Variants in FHAD1 observed in about 807,000 individuals in gnomAD.
FHAD1 encodes the protein forkhead-associated domain-containing protein 1.
A neutral mutation model predicts 191.3 loss-of-function variants in FHAD1; 146 were observed. The ratio of observed to expected loss-of-function variants is 0.76; its 90% CI spans 0.67 to 0.88. FHAD1 has a LOEUF of 0.88. FHAD1 is among the 40% of genes least tolerant of loss of function. FHAD1 has a pLI of 0.00. For missense variants in FHAD1, 1,635 were observed against 1,785.8 expected (o/e 0.92, Z 1.52); for synonymous variants, 616 against 672.3 (o/e 0.92, Z 1.29).
intron 6 of FHAD1, among the ~76,000 whole-genome samples, chr1:15,302,927 G>A (rs1048243839): frequency 1.3e-5 from 2 of 152,180 alleles, no homozygotes; most frequent in Non-Finnish European, 2.9e-5. Context: ...AAAAGCCTAG[G>A]TTAGACATGG....
intron 3 of FHAD1, among the ~76,000 whole-genome samples, chr1:15,277,813 C>G (rs997265852): frequency 2.0e-5 from 3 of 152,166 alleles, no homozygotes; most frequent in African/African-American, 7.2e-5. Flanking sequence ...CTCAGTTCCC[C>G]CCTTGCAGTT....
chr1:15,290,151 C>T (rs1664054013), intron 4 of FHAD1, among the ~76,000 whole-genome samples: 1 of 152,192 alleles, frequency 6.6e-6, no homozygotes, highest in Non-Finnish European at 1.5e-5. Flanking sequence ...CCCGTCTAAT[C>T]TAATGTTTTT....
chr1:15,237,668 C>T (rs1341170007), intron 1 of FHAD1, among the ~76,000 whole-genome samples: 1 of 152,152 alleles, frequency 6.6e-6, no homozygotes, highest in Non-Finnish European at 1.5e-5. Context: ...ATCTTTGAGA[C>T]TTAAGTTTCA....
chr1:15,359,827 G>A (rs34518408), intron 21 of FHAD1, among the ~76,000 whole-genome samples: 10,229 of 152,266 alleles, frequency 0.067, 476 homozygotes, highest in African/African-American at 0.13. Flanking sequence ...GCGGGCGCCT[G>A]TAGTCCCAGC....
At chr1:15,330,455 A>C (rs1468664145) in intron 14 of FHAD1, among the ~76,000 whole-genome samples, 2 of 152,152 alleles carry the variant, frequency 1.3e-5, no homozygotes, top group African/African-American at 2.4e-5. Flanking sequence ...CAATATGTCC[A>C]TACATTTGAA....
intron 27 of FHAD1, 128 bp downstream of exon 27, chr1:15,374,759 A>G (rs1245451457): frequency 8.2e-7 from 1 of 1,218,630 alleles, no homozygotes; most frequent in African/African-American, 1.5e-5. Context: ...ATTGTAATAC[A>G]CAAAAAGATG....
intron 2 of FHAD1, among the ~76,000 whole-genome samples, chr1:15,257,398 G>A (rs1648731360): frequency 6.6e-6 from 1 of 152,232 alleles, no homozygotes; most frequent in Non-Finnish European, 1.5e-5. Flanking sequence ...TGAGAGAGAA[G>A]GTGACAGGTG....
intron 19 of FHAD1, among the ~76,000 whole-genome samples, chr1:15,349,706 A>T (rs151086052): frequency 2.6e-5 from 4 of 152,332 alleles, no homozygotes; most frequent in African/African-American, 9.6e-5. Context: ...CATAGTAAGC[A>T]CGTATGGTTG....
At chr1:15,253,561 T>G (rs10158292) in intron 2 of FHAD1, among the ~76,000 whole-genome samples, 107,752 of 152,034 alleles carry the variant, frequency 0.71, 39,227 homozygotes, top group East Asian at 0.95. Flanking sequence ...AGTACTTTAT[T>G]TCTCCTTTTT....
intron 3 of FHAD1, among the ~76,000 whole-genome samples, chr1:15,280,576 A>G (rs1660247207): frequency 6.6e-6 from 1 of 152,094 alleles, no homozygotes; most frequent in South Asian, 2.1e-4. Flanking sequence ...CAGAACACGG[A>G]CGACCCGGCC....
rs61398861 is a variant in FHAD1, at chr1:15,291,109, CTT to C, written c.568+1460_568+1461del. ...TCTACCATTAACATTTTACTATACT[CTT>C]TTTTTTTTTTTTTTTTCTTGAGACA... On this transcript the variant is annotated intron_variant, in intron 4 of 33. Coordinates refer to ENST00000688493, the MANE Select transcript of FHAD1 (RefSeq NM_001391957.1). Among the ~76,000 whole-genome samples, 591 of 134,306 alleles carry C rather than the reference CTT, an allele frequency of 4.4e-3. 1 individual carries two copies. The highest frequency in any genetic ancestry group is 0.024 in the Middle Eastern group (6 of 248). The allele number at this position is 134,306 out of a possible 152,430, so 88.1% of individuals were successfully genotyped here.
In FHAD1 at chr1:15,349,155, A is replaced by T; in HGVS notation, c.2454+6A>T. On this transcript the variant is annotated splice_donor_region_variant and intron_variant, in intron 19 of 33. Transcript: ENST00000688493. The stretch of plus-strand genomic sequence containing the variant: ...ATTTAACCCAACAGAAGGAGGTATG[A>T]GCAGCAGCAGGAAAGAATCCTCTGG... 6.5e-7 allele frequency: 1 copy of T among 1,539,186 alleles called. No homozygotes were observed.
In FHAD1 at chr1:15,375,534, G is replaced by C; in HGVS notation, c.3578-69G>C. ...CTGTGTAAGTGTCCTGTAAATAGTT[G>C]CTATGGTTATTACATGAAACAACTT... On this transcript the variant is annotated intron_variant, in intron 27 of 33. Coordinates refer to ENST00000688493, the MANE Select transcript of FHAD1 (RefSeq NM_001391957.1). 5 of 1,403,474 alleles carry C rather than the reference G, an allele frequency of 3.6e-6. No homozygotes were observed. The South Asian group carries it at 7.5e-5, about 21-fold the overall frequency. The allele number at this position is 1,403,474 out of a possible 1,614,324, so 86.9% of individuals were successfully genotyped here.
At chr1:15,392,705 C>T (rs567096994) in intron 33 of FHAD1, among the ~76,000 whole-genome samples, 32 of 152,290 alleles carry the variant, frequency 2.1e-4, no homozygotes, top group African/African-American at 7.7e-4. Context: ...AGTGTCCATC[C>T]CTAACAAGCT....
At chr1:15,335,235 G>C (rs971532197) in intron 14 of FHAD1, 3 of 152,222 alleles carry the variant, frequency 2.0e-5, no homozygotes, top group Admixed American at 2.0e-4. Context: ...AGAATGTTTA[G>C]GCGGCACCTT....
rs114286977 is a variant in FHAD1 at position 15,390,519 on chromosome 1, C to G, written c.4270-691C>G. Reference sequence around the variant, plus strand: ...TTTGCTGCCATCTCCATCTCACCGCCTTCTTTGACTTCCTGGCCCCTGTAG... The same window carrying G: ...TTTGCTGCCATCTCCATCTCACCGCGTTCTTTGACTTCCTGGCCCCTGTAG... On this transcript the variant is annotated intron_variant, in intron 32 of 33. Transcript: ENST00000688493. Among the ~76,000 whole-genome samples the G allele has an allele frequency of 6.5e-3, 983 of 152,182 alleles. 16 individuals carry two copies. The highest frequency in any genetic ancestry group is 0.023 in the African/African-American group (942 of 41,510).
intron 23 of FHAD1, among the ~76,000 whole-genome samples, chr1:15,365,569 A>C (rs936346694): frequency 2.7e-5 from 4 of 148,080 alleles, no homozygotes; most frequent in African/African-American, 1.0e-4. Context: ...GTAATTCTCC[A>C]GCCTTGGCCT....
chr1:15,280,573 C>T (rs1006101976), intron 3 of FHAD1, among the ~76,000 whole-genome samples: 11 of 152,100 alleles, frequency 7.2e-5, no homozygotes, highest in Admixed American at 7.2e-4. Context: ...AAACAGAACA[C>T]GGACGACCCG....
Position 15,318,093 on chromosome 1 carries a change from G to A in FHAD1, c.1365+165G>A, listed in dbSNP as rs1315794185. ...ACCAGGTTCACTGCATAAAGTAGTT[G>A]TGGCAGGACTTGAACCCAGGTTGGT... On this transcript the variant is annotated intron_variant, in intron 10 of 33. Transcript: ENST00000688493. This position sits in a 1 kb window ranked among gnomAD's most constrained non-coding sequence, Gnocchi z 4.1. 1.3e-5 allele frequency among the ~76,000 whole-genome samples: 2 copies of A among 152,168 alleles called. No individual in the cohort carries two copies.
Sources: allele counts gnomAD v4.1 joint callset (sites outside exome capture counted in the v4.1 genomes callset), GRCh38; gene constraint gnomAD v4.1.1; non-coding constraint Gnocchi (gnomAD v3.1); transcripts MANE v1.5; gene names NCBI Gene and HGNC (gene_info 2026-07-23, HGNC 2026-07-21).